The following PLA2G6 variants were observed in gnomAD, a reference collection of about 807,000 sequenced individuals.
PLA2G6 encodes 85/88 kDa calcium-independent phospholipase A2.
In PLA2G6, 62 loss-of-function variants were observed where a neutral mutation model predicts 83.8. The ratio of observed to expected loss-of-function variants is 0.74; its 90% CI spans 0.60 to 0.91. PLA2G6 has a LOEUF of 0.91. PLA2G6 is among the 40% of genes least tolerant of loss of function. The pLI is 0.00. For missense variants in PLA2G6, 944 were observed against 1,102.0 expected, an observed-to-expected ratio of 0.86 and a Z score of 2.03; for synonymous variants, 417 against 449.8, an observed-to-expected ratio of 0.93 and a Z score of 0.92.
rs1459399390 is a variant in PLA2G6, at chr22:38,115,514, C to A, written c.2034+13G>T. On this transcript the variant is annotated intron_variant, in intron 14 of 16. Transcript: ENST00000332509. Reference sequence around the variant, plus strand: ...GAGCAGTGGGTCCAGGCCCTCTGGCCTACGGCACTCACCTTGCGGATCAGG... The same window carrying A: ...GAGCAGTGGGTCCAGGCCCTCTGGCATACGGCACTCACCTTGCGGATCAGG... 1 of 1,611,636 alleles carries A rather than the reference C, an allele frequency of 6.2e-7. No individual in the cohort carries two copies. Among genetic ancestry groups the A allele is most frequent in the South Asian group, 1.1e-5 (1 of 90,614 alleles).
Position 38,128,111 on chromosome 22 carries a change from G to T in PLA2G6, c.1348+158C>A. On this transcript the variant is annotated intron_variant, in intron 9 of 16. Transcript: ENST00000332509. This position sits in a 1 kb window ranked among gnomAD's most constrained non-coding sequence, Gnocchi z 4.4. ...ACACCCTAGGCCTCTGGGATCTGTG[G>T]GTTGCTGGCTGCCTAGAGGCTGACA... 1 of 708,058 alleles carries T rather than the reference G, an allele frequency of 1.4e-6. No individual in the cohort carries two copies. Among genetic ancestry groups the T allele is most frequent in the Non-Finnish European group, 2.4e-6 (1 of 409,592 alleles). 43.9% of individuals were successfully genotyped at this position (708,058 alleles called of 1,614,324 possible).
intron 2 of PLA2G6, chr22:38,148,862 T>A: frequency 1.3e-5 from 1 of 74,792 alleles, no homozygotes; most frequent in Non-Finnish European, 2.9e-5. Flanking sequence ...ATTATTTCTT[T>A]TTTTTTTTTT....
In PLA2G6 at chr22:38,120,882, A is replaced by C. The variant is rs1352540560; in HGVS notation, c.1619T>G (p.Met540Arg). The C allele has an allele frequency of 6.2e-7, 1 of 1,613,734 alleles. No homozygotes were observed. Among genetic ancestry groups the C allele is most frequent in the Non-Finnish European group, 8.5e-7 (1 of 1,180,026 alleles). Residue 540 changes from methionine to arginine, a missense_variant, in exon 12 of 17, where the codon ATG becomes AGG. By Grantham distance (91) the Met-to-Arg change is moderately conservative. Transcript: ENST00000332509. ...CACCTCATCCTTCATGCGAAAGTAC[A>C]TGCCGCGCATGTAGGCCATGGACTT... ...HSKSMAYMRG[M>R]YFRMKDEVFR...
At position 38,145,628 on chromosome 22, in the gene PLA2G6, CAGCCTCCAACTCCAGCTGGAAGAGTCTGT is replaced by C; in HGVS notation, c.210-4_234del. The C allele has an allele frequency of 6.2e-7, 1 of 1,612,998 alleles. No homozygotes were observed. Among genetic ancestry groups the C allele is most frequent in the East Asian group, 2.2e-5 (1 of 44,846 alleles). ...TACTGATGGAAATTCACTAGGGCGT[CAGCCTCCAACTCCAGCTGGAAGAGTCTGT>C]AGAGCCAGGACAGAGGAGCAAGACC... is the stretch of plus-strand genomic sequence containing the variant. On this transcript the variant is annotated splice_acceptor_variant and splice_polypyrimidine_tract_variant and coding_sequence_variant and intron_variant, in exon 3 of 17. Transcript: ENST00000332509. LOFTEE classifies it high-confidence loss of function.
chr22:38,135,892 T>G (rs2088522666), intron 5 of PLA2G6: 2 of 152,138 alleles, frequency 1.3e-5, no homozygotes, highest in African/African-American at 4.8e-5. Context: ...TGCAGACCCA[T>G]GTACACAGCA....
chr22:38,174,401 A>G (rs73154422), intron 1 of PLA2G6, among the ~76,000 whole-genome samples: 1 of 151,176 alleles, frequency 6.6e-6, no homozygotes, highest in Non-Finnish European at 1.5e-5. Flanking sequence ...GTCTCAAAAA[A>G]AAAGAAAGAA....
intron 11 of PLA2G6, among the ~76,000 whole-genome samples, chr22:38,121,425 A>G (rs960509706): frequency 6.6e-6 from 1 of 152,130 alleles, no homozygotes; most frequent in African/African-American, 2.4e-5. Context: ...ATTTTGTATT[A>G]TTTTCCTTAA....
rs1407627502 is a variant in PLA2G6, at chr22:38,145,743, C to T, written c.210-90G>A. ...CTGCTGGAATCAGAAGGTCCCCAGG[C>T]TGCGGCCTGGCCAGCTCCAGCCCGA... On this transcript the variant is annotated intron_variant, in intron 2 of 16. Transcript: ENST00000332509. 3.6e-6 allele frequency: 3 copies of T among 837,968 alleles called. No individual in the cohort carries two copies. The East Asian group carries it at 8.8e-5, about 25-fold the overall frequency. The allele number at this position is 837,968 out of a possible 1,614,324, so 51.9% of individuals were successfully genotyped here.
chr22:38,116,292 C>T (rs888127247), intron 12 of PLA2G6, 81 bp from the exon 13 acceptor site: 4 of 1,506,248 alleles, frequency 2.7e-6, no homozygotes, highest in Non-Finnish European at 3.7e-6. Context: ...CACCCCAGGG[C>T]CTTGGGTAGC....
intron 11 of PLA2G6, among the ~76,000 whole-genome samples, chr22:38,122,363 AG>A (rs1309301209): frequency 1.3e-5 from 2 of 152,150 alleles, no homozygotes. Flanking sequence ...GGGGGAGCTG[AG>A]GACCCTGATC....
In PLA2G6 at chr22:38,172,589, T is replaced by C. The variant is rs1001171875; in HGVS notation, c.-45-3118A>G. On this transcript the variant is annotated intron_variant, in intron 1 of 16. Transcript: ENST00000332509. ...ATAGTTTTCAAAGGAAGTAGCAGTA[T>C]AGGCTGAGCCTCTGGGGGCTGCAGC... Among the ~76,000 whole-genome samples, 17 of 152,246 alleles carry C rather than the reference T, an allele frequency of 1.1e-4. 1 individual carries two copies. Among genetic ancestry groups the C allele is most frequent in the Admixed American group, 7.9e-4 (12 of 15,284 alleles).
intron 2 of PLA2G6, among the ~76,000 whole-genome samples, chr22:38,150,817 C>T (rs367796070): frequency 1.3e-5 from 2 of 152,134 alleles, no homozygotes; most frequent in African/African-American, 4.8e-5. Context: ...CCAGGCACGG[C>T]GGCTCATGCC....
rs151040905 is a variant in PLA2G6, at chr22:38,158,432, C to T, written c.209+10786G>A. Among the ~76,000 whole-genome samples, 37 of 152,288 alleles carry T rather than the reference C, an allele frequency of 2.4e-4. No homozygotes were observed. The East Asian group carries it at 5.4e-3, about 22-fold the overall frequency. ...GTGATCCACCCGCCTTGGCCTCCCA[C>T]AGTGCTGGGATTACAGGCGTGAGCC... On this transcript the variant is annotated intron_variant, in intron 2 of 16. Coordinates refer to ENST00000332509, the MANE Select transcript of PLA2G6 (RefSeq NM_003560.4).
intron 12 of PLA2G6, chr22:38,116,549 G>A (rs2087208281): frequency 4.8e-6 from 2 of 416,596 alleles, no homozygotes; most frequent in Non-Finnish European, 4.8e-6. Flanking sequence ...AACACACACT[G>A]CAGACGTTAG....
chr22:38,117,497 A>G (rs2145694428), intron 12 of PLA2G6, among the ~76,000 whole-genome samples: 1 of 152,132 alleles, frequency 6.6e-6, no homozygotes, highest in East Asian at 1.9e-4. Flanking sequence ...GCCTGGCCAA[A>G]AATCTTAAAC....
Position 38,112,486 on chromosome 22 carries a change from G to A in PLA2G6, c.2276+18C>T. The A allele has an allele frequency of 6.5e-7, 1 of 1,548,470 alleles. No individual in the cohort carries two copies. The highest frequency in any genetic ancestry group is 8.7e-7 in the Non-Finnish European group (1 of 1,145,918). ...CGCCAGGGCACGGGGCCAAGGGCTGGGGCGGCTGAGCCCTCACCTGAAGTA... is the reference window on the plus strand; with the variant it reads ...CGCCAGGGCACGGGGCCAAGGGCTGAGGCGGCTGAGCCCTCACCTGAAGTA... On this transcript the variant is annotated intron_variant, in intron 16 of 16. Transcript: ENST00000332509.
intron 5 of PLA2G6, chr22:38,139,216 G>C (rs554697296): frequency 6.6e-6 from 1 of 152,070 alleles, no homozygotes; most frequent in Middle Eastern, 3.2e-3. Context: ...TGAAGCCATC[G>C]GGGGGCTGTT....
At chr22:38,126,915 G>A in intron 9 of PLA2G6, 1 of 771,200 alleles carries the variant, frequency 1.3e-6, no homozygotes, top group Non-Finnish European at 1.7e-6. Context: ...AAAAGGCTGA[G>A]TCAGGACGTT....
In PLA2G6 at chr22:38,120,839, G is replaced by A. The variant is rs2087482938; in HGVS notation, c.1662C>T (p.Pro554=). 1.2e-6 allele frequency: 2 copies of A among 1,613,800 alleles called. No individual in the cohort carries two copies. Among genetic ancestry groups the A allele is most frequent in the African/African-American group, 1.3e-5 (1 of 74,932 alleles). Residue 554 remains proline (P), a synonymous_variant, in exon 12 of 17, where the codon CCC becomes CCT. Coordinates refer to ENST00000332509, the MANE Select transcript of PLA2G6 (RefSeq NM_003560.4). ...MKDEVFRGSR[P]YESGPLEEFL... ...ACTCCTCCAGGGGCCCCGACTCGTA[G>A]GGCCTGGAGCCCCGGAACACCTCAT...
Sources: gnomAD v4.1 joint callset for allele counts (sites outside exome capture counted in the v4.1 genomes callset) on GRCh38, gnomAD v4.1.1 for gene constraint, Gnocchi (gnomAD v3.1) non-coding constraint, MANE v1.5 for transcripts, NCBI Gene and HGNC (gene_info 2026-07-23, HGNC 2026-07-21) for gene names.